Variants in KIF25 observed in about 807,000 individuals in gnomAD.
The protein encoded by KIF25 is kinesin family member 25, also known as kinesin-like protein KIF25.
A neutral mutation model predicts 32.9 loss-of-function variants in KIF25; 19 were observed. The ratio of observed to expected loss-of-function variants is 0.58; its 90% confidence interval spans 0.40 to 0.85. KIF25 has a LOEUF of 0.85. Ranked by LOEUF, KIF25 falls within the 40% of genes least tolerant of loss-of-function variation. The pLI is 0.00. For synonymous variants in KIF25, 225 were observed against 213.7 expected (o/e 1.05, Z -0.46); for missense variants, 485 against 507.0 (o/e 0.96, Z 0.42).
intron 5 of KIF25, among the ~76,000 whole-genome samples, chr6:168,024,431 T>C (rs1435232620): frequency 1.5e-5 from 2 of 135,170 alleles, no homozygotes; most frequent in Admixed American, 7.1e-5. Context: ...CTCTTTTTTT[T>C]TTTTTTTTTT....
rs1040232424 is a variant in KIF25, at chr6:168,038,624, T to C, written c.389T>C (p.Ile130Thr). Reference protein sequence around the residue: ...VSIVEVYNNDIFDLLAKDSIA... With the variant: ...VSIVEVYNNDTFDLLAKDSIA... The stretch of plus-strand genomic sequence containing the variant: ...ATAGTGGAAGTTTACAATAATGACA[T>C]TTTTGACCTTCTGGCCAAAGACAGC... Residue 130 changes from isoleucine to threonine, a missense_variant, in exon 9 of 13, where the codon ATT becomes ACT. By Grantham distance (89) the Ile-to-Thr change is moderately conservative. Around this residue, in one of 2 missense-constraint regions of KIF25, gnomAD observed 480 missense variants for 470.3 expected, o/e 1.02. Transcript: ENST00000643607. 1.2e-6 allele frequency: 2 copies of C among 1,614,148 alleles called. No individual in the cohort carries two copies. The highest frequency in any genetic ancestry group is 3.3e-5 in the Admixed American group (2 of 60,030).
intron 4 of KIF25, among the ~76,000 whole-genome samples, chr6:168,006,209 T>TC (rs1274905362): frequency 7.6e-6 from 1 of 132,388 alleles, no homozygotes; most frequent in African/African-American, 2.6e-5. Flanking sequence ...ATTCTATTTC[T>TC]TTTTTTTTTT....
Position 168,038,569 on chromosome 6 carries a change from A to C in KIF25, c.334A>C (p.Thr112Pro). 4 of 1,614,054 alleles carry C rather than the reference A, an allele frequency of 2.5e-6. No individual in the cohort carries two copies. Among genetic ancestry groups the C allele is most frequent in the Non-Finnish European group, 3.4e-6 (4 of 1,179,970 alleles). ...EELFRLILEN[T>P]SRSPKVEVSI... ...TTCCCGCAGGCTCATTTTGGAAAAT[A>C]CCTCAAGAAGCCCAAAGGTTGAAGT... The change falls in exon 9 of 13, where the codon ACC (threonine) becomes CCC (proline). Residue 112 changes from threonine to proline, a missense_variant. Thr to Pro is a conservative substitution (Grantham distance 38, BLOSUM62 -1). Transcript: ENST00000643607.
chr6:168,036,063 T>C, intron 8 of KIF25: 1 of 224,606 alleles, frequency 4.5e-6, no homozygotes, highest in Non-Finnish European at 9.4e-6. Flanking sequence ...CCCTTTACCC[T>C]GAAAAGGACT....
intron 4 of KIF25, among the ~76,000 whole-genome samples, chr6:168,015,534 GT>G (rs1211271120): frequency 1.3e-5 from 2 of 152,168 alleles, no homozygotes; most frequent in African/African-American, 2.4e-5. Flanking sequence ...GGGGCCATGC[GT>G]CCCCCATGCA....
At chr6:168,008,031 A>G (rs1212004720) in intron 4 of KIF25, among the ~76,000 whole-genome samples, 1 of 149,572 alleles carries the variant, frequency 6.7e-6, no homozygotes, top group Admixed American at 6.7e-5. Context: ...TCTTTCCTTT[A>G]ATAGAACATT....
In KIF25 at chr6:168,044,135, C is replaced by T. The variant is rs35195196; in HGVS notation, c.986-692C>T. Among the ~76,000 whole-genome samples, 142 of 149,874 alleles carry T rather than the reference C, an allele frequency of 9.5e-4. 1 individual carries two copies. Among genetic ancestry groups the T allele is most frequent in the African/African-American group, 3.3e-3 (135 of 41,012 alleles). ...GCCTGCAGCTTCCCCAGGTGAGGGGCGCTAGTGACCGGCTGCTGACCCTCC... is the reference window on the plus strand; with the variant it reads ...GCCTGCAGCTTCCCCAGGTGAGGGGTGCTAGTGACCGGCTGCTGACCCTCC... On this transcript the variant is annotated intron_variant, in intron 12 of 12. Coordinates refer to ENST00000643607, the MANE Select transcript of KIF25 (RefSeq NM_030615.4).
At chr6:168,001,884 G>A (rs13199680) in intron 2 of KIF25, among the ~76,000 whole-genome samples, 5 of 74,504 alleles carry the variant, frequency 6.7e-5, no homozygotes, top group Admixed American at 1.1e-4. Context: ...CACCTGAGGC[G>A]TGGCCTCGGG....
intron 4 of KIF25, among the ~76,000 whole-genome samples, chr6:168,006,234 G>C (rs1170786640): frequency 1.3e-5 from 2 of 151,580 alleles, no homozygotes; most frequent in Non-Finnish European, 2.9e-5. Context: ...GCGATGGGGG[G>C]GTCTCACTAT....
intron 7 of KIF25, among the ~76,000 whole-genome samples, chr6:168,032,675 T>G (rs1156238762): frequency 6.6e-6 from 1 of 152,250 alleles, no homozygotes; most frequent in Non-Finnish European, 1.5e-5. Flanking sequence ...GAACACTGTC[T>G]TGCAATCATT....
chr6:168,003,904 G>A (rs1474812887), intron 4 of KIF25, among the ~76,000 whole-genome samples: 2 of 152,178 alleles, frequency 1.3e-5, no homozygotes, highest in Non-Finnish European at 2.9e-5. Flanking sequence ...ATGTGAGGAA[G>A]TTACTTCACT....
intron 4 of KIF25, among the ~76,000 whole-genome samples, chr6:168,011,029 G>C (rs1456306195): frequency 6.6e-6 from 1 of 152,066 alleles, no homozygotes; most frequent in Non-Finnish European, 1.5e-5. Context: ...GTTTCTTGTA[G>C]ACAGCATATA....
chr6:168,010,461 A>G (rs1430106733), intron 4 of KIF25, among the ~76,000 whole-genome samples: 2 of 152,022 alleles, frequency 1.3e-5, no homozygotes, highest in Non-Finnish European at 2.9e-5. Flanking sequence ...ATTGATGTGG[A>G]CTTTTATTCT....
At chr6:168,034,155 A>C in intron 8 of KIF25, 124 bp downstream of exon 8, 122 of 915,534 alleles carry the variant, frequency 1.3e-4, no homozygotes, top group Non-Finnish European at 1.8e-4. Flanking sequence ...CCATAATCTC[A>C]TCAGATACAT....
intron 4 of KIF25, among the ~76,000 whole-genome samples, chr6:168,013,018 C>T (rs190479564): frequency 2.6e-4 from 39 of 152,144 alleles, no homozygotes; most frequent in Admixed American, 2.4e-3. Context: ...TGCAAGGCTG[C>T]ATGCCTGGCT....
At chr6:168,035,486 G>GGGCGGGCGGGAACGGCGC (rs1799009427) in intron 8 of KIF25, among the ~76,000 whole-genome samples, 2 of 146,608 alleles carry the variant, frequency 1.4e-5, no homozygotes, top group Non-Finnish European at 3.0e-5. Flanking sequence ...CGGTGCTGAG[G>GGGCGGGCGGGAACGGCGC]TGGTGGCGGG....
chr6:168,011,198 C>T (rs1213647832), intron 4 of KIF25, among the ~76,000 whole-genome samples: 1 of 151,996 alleles, frequency 6.6e-6, no homozygotes, highest in Non-Finnish European at 1.5e-5. Context: ...TTCTTACTTC[C>T]TCTCTTATTG....
chr6:168,020,127 C>CACAA lies in KIF25; in HGVS notation c.-95+2087_-95+2088insACAA, dbSNP rs1234916322. ...GCCTGGTGACAGAGTGAGACTCCAT[C>CACAA]TCAAACAAACAAACAAACAAACAAA... On this transcript the variant is annotated intron_variant, in intron 5 of 12. Coordinates refer to ENST00000643607, the MANE Select transcript of KIF25 (RefSeq NM_030615.4). Among the ~76,000 whole-genome samples, 15 of 86,622 alleles carry CACAA rather than the reference C, an allele frequency of 1.7e-4. No homozygotes were observed. In the Admixed American group the frequency reaches 2.1e-3, roughly 12 times the overall value. 56.8% of individuals were successfully genotyped at this position (86,622 alleles called of 152,430 possible).
chr6:168,005,452 A>G (rs1030836743), intron 4 of KIF25, among the ~76,000 whole-genome samples: 1 of 152,178 alleles, frequency 6.6e-6, no homozygotes, highest in African/African-American at 2.4e-5. Context: ...AGACAGAGGG[A>G]AGGCGAGGGC....
Sources: gnomAD v4.1 joint callset for allele counts (sites outside exome capture counted in the v4.1 genomes callset) on GRCh38, gnomAD v4.1.1 for gene constraint, gnomAD v4.1.1 regional missense constraint, MANE v1.5 for transcripts, NCBI Gene and HGNC (gene_info 2026-07-23, HGNC 2026-07-21) for gene names.